The following KANSL1 variants were observed in gnomAD, a reference collection of about 807,000 sequenced individuals.
KANSL1 encodes MLL1/MLL complex subunit KANSL1.
A neutral mutation model predicts 103.6 loss-of-function variants in KANSL1; 22 were observed. The observed-to-expected ratio is 0.21, with a 90% CI of 0.15 to 0.30. KANSL1 has a LOEUF of 0.30. Ranked by LOEUF, KANSL1 falls within the 10% of genes least tolerant of loss-of-function variation. The pLI, the probability that KANSL1 is intolerant of heterozygous loss-of-function variation, is 1.00. For synonymous variants in KANSL1, 600 were observed against 527.6 expected (o/e 1.14, Z -1.88); for missense variants, 1,337 against 1,399.8 (o/e 0.96, Z 0.72).
At chr17:46,167,418 C>T (rs903085313) in intron 2 of KANSL1, among the ~76,000 whole-genome samples, 3 of 152,186 alleles carry the variant, frequency 2.0e-5, no homozygotes, top group Non-Finnish European at 4.4e-5. Flanking sequence ...AAGATATTTA[C>T]GGAAGCATGC....
chr17:46,137,235 A>G (rs1489358786), intron 2 of KANSL1, among the ~76,000 whole-genome samples: 1 of 152,138 alleles, frequency 6.6e-6, no homozygotes, highest in East Asian at 1.9e-4. Flanking sequence ...TTCTCTATTC[A>G]TCCTCATTCT....
intron 2 of KANSL1, among the ~76,000 whole-genome samples, chr17:46,168,241 CAACA>C (rs1239229079): frequency 6.6e-6 from 1 of 152,240 alleles, no homozygotes; most frequent in East Asian, 1.9e-4. Flanking sequence ...CTCAGAAGAT[CAACA>C]AACACTTGGC....
At chr17:46,098,498 TTTTAG>T in intron 2 of KANSL1, among the ~76,000 whole-genome samples, 1 of 152,244 alleles carries the variant, frequency 6.6e-6, no homozygotes, top group Admixed American at 6.5e-5. Context: ...ACTTAAAACA[TTTTAG>T]TTCGCAAGAA....
At position 46,137,514 on chromosome 17, in the gene KANSL1, C is replaced by T. The variant is rs989426567; in HGVS notation, c.1289+33341G>A. 5.3e-5 allele frequency among the ~76,000 whole-genome samples: 8 copies of T among 152,324 alleles called. No individual in the cohort carries two copies. The South Asian group carries it at 6.2e-4, about 12-fold the overall frequency. On this transcript the variant is annotated intron_variant, in intron 2 of 14. Coordinates refer to ENST00000432791, the MANE Select transcript of KANSL1 (RefSeq NM_015443.4). ...CTATTGAAAAATACATGTACCCCCTCGATACAATTGTCATAAAAGTTTTCA... is the reference window on the plus strand; with the variant it reads ...CTATTGAAAAATACATGTACCCCCTTGATACAATTGTCATAAAAGTTTTCA...
chr17:46,161,123 C>T (rs998728638), intron 2 of KANSL1, among the ~76,000 whole-genome samples: 7 of 151,982 alleles, frequency 4.6e-5, no homozygotes, highest in East Asian at 1.9e-4. Flanking sequence ...TGGTTAAAAA[C>T]GTTGTTCCCA....
intron 2 of KANSL1, among the ~76,000 whole-genome samples, chr17:46,154,752 G>A (rs1437540148): frequency 2.0e-5 from 3 of 152,238 alleles, no homozygotes; most frequent in Non-Finnish European, 2.9e-5. Flanking sequence ...ATGAGAGGGT[G>A]TGGTGGGGGG....
chr17:46,031,810 C>T (rs2077016115), intron 14 of KANSL1, 107 bp from the exon 15 acceptor site: 2 of 1,144,590 alleles, frequency 1.7e-6, no homozygotes, highest in East Asian at 5.1e-5. Flanking sequence ...ACCAGTCTAT[C>T]TAGTGTTCCT....
intron 2 of KANSL1, among the ~76,000 whole-genome samples, chr17:46,113,302 G>A (rs909032180): frequency 6.6e-6 from 1 of 152,152 alleles, no homozygotes; most frequent in Non-Finnish European, 1.5e-5. Flanking sequence ...CCCCATCATG[G>A]CCCCACGTGT....
At chr17:46,153,902 G>C (rs2045269783) in intron 2 of KANSL1, among the ~76,000 whole-genome samples, 1 of 152,196 alleles carries the variant, frequency 6.6e-6, no homozygotes, top group South Asian at 2.1e-4. Context: ...ACTATTTCAT[G>C]AACACCAGAT....
intron 2 of KANSL1, among the ~76,000 whole-genome samples, chr17:46,095,718 T>C (rs1216415235): frequency 1.3e-5 from 2 of 152,252 alleles, no homozygotes; most frequent in East Asian, 1.9e-4. Flanking sequence ...CAACATACAA[T>C]AGAAAATCTA....
intron 2 of KANSL1, among the ~76,000 whole-genome samples, chr17:46,166,285 G>A (rs1026647674): frequency 6.6e-6 from 1 of 151,984 alleles, no homozygotes; most frequent in African/African-American, 2.4e-5. Flanking sequence ...GCCAAGGCGG[G>A]TAGATCACCT....
chr17:46,115,624 C>T (rs961477080), intron 2 of KANSL1, among the ~76,000 whole-genome samples: 14 of 152,160 alleles, frequency 9.2e-5, no homozygotes, highest in Admixed American at 1.3e-4. Flanking sequence ...AAATTAAAAA[C>T]AAGGCTTTAC....
chr17:46,220,266 G>C (rs2048485811), intron 1 of KANSL1, among the ~76,000 whole-genome samples: 1 of 151,010 alleles, frequency 6.6e-6, no homozygotes. Flanking sequence ...GCCCAGACTG[G>C]AGTGCAGTGG....
intron 10 of KANSL1, 32 bp downstream of exon 10, chr17:46,038,506 G>T: frequency 6.2e-7 from 1 of 1,610,138 alleles, no homozygotes; most frequent in Non-Finnish European, 8.5e-7. Flanking sequence ...CCTGCAGAGG[G>T]GGTGTCCGGC....
chr17:46,182,553 A>G (rs2696701), intron 1 of KANSL1, among the ~76,000 whole-genome samples: 18,649 of 150,348 alleles, frequency 0.12, 25 homozygotes, highest in Middle Eastern at 0.19. Context: ...GGGCTTCTTA[A>G]CTGAAAAAGC....
chr17:46,168,504 C>T (rs912475047), intron 2 of KANSL1, among the ~76,000 whole-genome samples: 5 of 152,172 alleles, frequency 3.3e-5, no homozygotes, highest in African/African-American at 4.8e-5. Context: ...TGTGCCACCA[C>T]GCCCAACTAA....
chr17:46,190,178 G>A (rs533027168), intron 1 of KANSL1, among the ~76,000 whole-genome samples: 71 of 152,336 alleles, frequency 4.7e-4, no homozygotes, highest in Admixed American at 8.5e-4. Context: ...TACTAGAGAT[G>A]GAAGAGTAGC....
intron 2 of KANSL1, among the ~76,000 whole-genome samples, chr17:46,122,058 A>G (rs1381931407): frequency 6.6e-6 from 1 of 152,238 alleles, no homozygotes; most frequent in African/African-American, 2.4e-5. Context: ...CACGATAATA[A>G]AGTTGAAAAA....
rs202232945 is a variant in KANSL1 at position 46,171,370 on chromosome 17, C to T, written c.774G>A (p.Leu258=). The change falls in exon 2 of 15, where the codon TTG becomes TTA. Residue 258 remains leucine (L), a synonymous_variant. Coordinates refer to ENST00000432791, the MANE Select transcript of KANSL1 (RefSeq NM_015443.4). ...TTTTACCCTCCAATTTGACACCCCC[C>T]AAGTTAGAGCTGGAGTCTGTACCAG... ...LSPGTDSSSN[L]GGVKLEGKKS... is the part of the protein sequence containing the mutation. 6.2e-6 allele frequency: 10 copies of T among 1,614,144 alleles called. No individual in the cohort carries two copies. In the Admixed American group the frequency reaches 1.5e-4, roughly 24 times the overall value.
Sources: gnomAD v4.1 joint callset for allele counts (sites outside exome capture counted in the v4.1 genomes callset) on GRCh38, gnomAD v4.1.1 for gene constraint, MANE v1.5 for transcripts, NCBI Gene and HGNC (gene_info 2026-07-23, HGNC 2026-07-21) for gene names.